The following PSD4 variants were observed in gnomAD, a reference collection of about 807,000 sequenced individuals.
The protein encoded by PSD4 is PH and SEC7 domain-containing protein 4.
In PSD4, 59 loss-of-function variants were observed where a neutral mutation model predicts 112.5. That is an observed-to-expected ratio of 0.52 (90% CI 0.43 to 0.65). PSD4 has a LOEUF of 0.65. PSD4 is among the 30% of genes least tolerant of loss of function. PSD4 has a pLI of 0.00. For missense variants in PSD4, 1,267 were observed against 1,352.6 expected (o/e 0.94, Z 0.99); for synonymous variants, 533 against 540.0 (o/e 0.99, Z 0.18).
intron 1 of PSD4, chr2:113,175,352 T>TCC (rs2104487624): frequency 6.6e-6 from 1 of 150,830 alleles, no homozygotes; most frequent in East Asian, 2.0e-4. Flanking sequence ...TCTCTCTCTC[T>TCC]CTCTCTCTCT....
chr2:113,185,801 G>A (rs948273932), intron 4 of PSD4, 76 bp from the exon 5 acceptor site: 38 of 1,555,796 alleles, frequency 2.4e-5, no homozygotes, highest in Non-Finnish European at 3.2e-5. Context: ...CCCAGGGAGG[G>A]AGCCTCTGGA....
chr2:113,198,999 C>T (rs1455772402), intron 15 of PSD4, 84 bp from the exon 16 acceptor site: 3 of 1,514,458 alleles, frequency 2.0e-6, no homozygotes, highest in Non-Finnish European at 2.6e-6. Context: ...GGAACCGAGG[C>T]GGCCAGGGGG....
At position 113,203,217 on chromosome 2, in the gene PSD4, C is replaced by G. The variant is rs1041072788; in HGVS notation, c.*1802C>G. The G allele has an allele frequency of 2.0e-5, 3 of 152,202 alleles. No individual in the cohort carries two copies. The highest frequency in any genetic ancestry group is 7.2e-5 in the African/African-American group (3 of 41,422). 9.4% of individuals were successfully genotyped at this position (152,202 alleles called of 1,614,324 possible). On this transcript the variant is annotated 3_prime_UTR_variant, in exon 17 of 17. Coordinates refer to ENST00000245796, the MANE Select transcript of PSD4 (RefSeq NM_012455.3). ...GATTCACAAATGAATTAAACATGTCCCTGACTCCATGAGTTGACAATCTTG... is the reference window on the plus strand; with the variant it reads ...GATTCACAAATGAATTAAACATGTCGCTGACTCCATGAGTTGACAATCTTG...
intron 10 of PSD4, among the ~76,000 whole-genome samples, chr2:113,194,918 C>G (rs1688552024): frequency 6.6e-6 from 1 of 152,180 alleles, no homozygotes; most frequent in South Asian, 2.1e-4. Context: ...ATGTGCCAGA[C>G]TTTTTGCTAG....
rs1333959090 is a variant in PSD4 at position 113,183,079 on chromosome 2, A to G, written c.623A>G (p.Asn208Ser). ...DTGLHSSPPE[N>S]EDSGEDSSEP... ...GGCCTGCACTCCAGCCCACCTGAGA[A>G]TGAAGACTCAGGGGAAGACAGCAGT... The change falls in exon 2 of 17, where the codon AAT (asparagine) becomes AGT (serine). Residue 208 changes from asparagine (N) to serine (S), a missense_variant. Around this residue, in one of 2 missense-constraint regions of PSD4, gnomAD observed 723 missense variants for 704.0 expected, o/e 1.03. Transcript: ENST00000245796. 6.2e-7 allele frequency: 1 copy of G among 1,613,052 alleles called. No homozygotes were observed. Among genetic ancestry groups the G allele is most frequent in the Non-Finnish European group, 8.5e-7 (1 of 1,179,286 alleles).
At chr2:113,185,749 C>G (rs188416937) in intron 4 of PSD4, 128 bp from the exon 5 acceptor site, 1 of 1,549,768 alleles carries the variant, frequency 6.5e-7, no homozygotes, top group East Asian at 2.4e-5. Context: ...GGTCACTGCC[C>G]GAGGGAGGAC....
Position 113,193,109 on chromosome 2 carries a change from A to C in PSD4, c.1900A>C (p.Ser634Arg), listed in dbSNP as rs1381174721. The change falls in exon 7 of 17, where the codon AGT becomes CGT. Residue 634 changes from serine (S) to arginine (R), a missense_variant. By Grantham distance (110) the Ser-to-Arg change is moderately radical. Transcript: ENST00000245796. ...YLSFFQFGGQ[S>R]LDRALRSFLQ... The stretch of plus-strand genomic sequence containing the variant: ...GTCCTTCTTCCAGTTTGGAGGCCAG[A>C]GTCTGGACCGAGCCCTCCGGTAATG... The C allele has an allele frequency of 2.5e-6, 4 of 1,613,996 alleles. No homozygotes were observed. In the Admixed American group the frequency reaches 5.0e-5, roughly 20 times the overall value.
Position 113,206,794 on chromosome 2 carries a change from G to A in PSD4, c.*5379G>A. The A allele has an allele frequency of 6.6e-6, 1 of 152,356 alleles. No individual in the cohort carries two copies. The allele number at this position is 152,356 out of a possible 1,614,324, so 9.4% of individuals were successfully genotyped here. Reference sequence around the variant, plus strand: ...TCCTTTGGGCTCTGGCTTAGGCTCTGCCCTCATGCATGCCATCCTGCTTGG... The same window carrying A: ...TCCTTTGGGCTCTGGCTTAGGCTCTACCCTCATGCATGCCATCCTGCTTGG... On this transcript the variant is annotated 3_prime_UTR_variant, in exon 17 of 17. Transcript: ENST00000245796.
In PSD4 at chr2:113,182,862, G is replaced by A. The variant is rs2104494757; in HGVS notation, c.406G>A (p.Val136Met). ...GAACACAGCATCACCAGGGTCACCA[G>A]TGAACAGCCATCTACCGGGGAGCCC... is the stretch of plus-strand genomic sequence containing the variant. ...RQNTASPGSP[V>M]NSHLPGSPKQ... The change falls in exon 2 of 17, where the codon GTG (valine) becomes ATG (methionine). Residue 136 changes from valine (V) to methionine (M), a missense_variant. By Grantham distance (21) the Val-to-Met change is conservative. This residue lies in a region of PSD4 where 723 missense variants were observed against 704.0 expected (regional missense o/e 1.03). Coordinates refer to ENST00000245796, the MANE Select transcript of PSD4 (RefSeq NM_012455.3). 5 of 1,614,132 alleles carry A rather than the reference G, an allele frequency of 3.1e-6. No individual in the cohort carries two copies. The highest frequency in any genetic ancestry group is 4.2e-6 in the Non-Finnish European group (5 of 1,179,980).
intron 2 of PSD4, among the ~76,000 whole-genome samples, chr2:113,183,722 A>G (rs1333212554): frequency 6.6e-6 from 1 of 152,090 alleles, no homozygotes; most frequent in Non-Finnish European, 1.5e-5. Context: ...CCATGATGTC[A>G]GCTGATGTCA....
chr2:113,181,479 T>C (rs1688136913), intron 1 of PSD4, among the ~76,000 whole-genome samples: 1 of 151,946 alleles, frequency 6.6e-6, no homozygotes, highest in African/African-American at 2.4e-5. Context: ...CCCTGCGAGG[T>C]TCCTGGGCTC....
intron 12 of PSD4, among the ~76,000 whole-genome samples, chr2:113,196,917 T>A (rs1389044793): frequency 6.6e-6 from 1 of 152,256 alleles, no homozygotes; most frequent in East Asian, 1.9e-4. Flanking sequence ...GGCACCAACA[T>A]GTCCAGAGTG....
intron 5 of PSD4, among the ~76,000 whole-genome samples, chr2:113,187,957 T>G (rs1189448870): frequency 6.6e-6 from 1 of 152,208 alleles, no homozygotes; most frequent in East Asian, 1.9e-4. Context: ...TCATAAGGTC[T>G]GTGAAAGTGA....
intron 14 of PSD4, 141 bp from the exon 15 acceptor site, chr2:113,198,599 C>A: frequency 9.6e-7 from 1 of 1,046,810 alleles, no homozygotes; most frequent in East Asian, 2.9e-5. Flanking sequence ...GTCGGGTGCC[C>A]GGCTAGTGGC....
At chr2:113,191,682 T>C (rs1365880966) in intron 5 of PSD4, among the ~76,000 whole-genome samples, 4 of 152,198 alleles carry the variant, frequency 2.6e-5, no homozygotes, top group East Asian at 3.9e-4. Context: ...TTGATTGTAA[T>C]GTTGTCGGGG....
At chr2:113,190,972 A>G (rs1688427515) in intron 5 of PSD4, among the ~76,000 whole-genome samples, 1 of 152,192 alleles carries the variant, frequency 6.6e-6, no homozygotes, top group African/African-American at 2.4e-5. Context: ...TTTTAGTTAG[A>G]TTTAGTTACT....
chr2:113,204,224 C>T lies in PSD4; in HGVS notation c.*2809C>T, dbSNP rs1237263669. The stretch of plus-strand genomic sequence containing the variant: ...ATCACCGAACCAGGACCTTCAACTT[C>T]GTAAAACCCACAGTGGCCTGGGCCA... On this transcript the variant is annotated 3_prime_UTR_variant, in exon 17 of 17. Coordinates refer to ENST00000245796, the MANE Select transcript of PSD4 (RefSeq NM_012455.3). 2.0e-5 allele frequency: 3 copies of T among 152,338 alleles called. No individual in the cohort carries two copies. The highest frequency in any genetic ancestry group is 4.4e-5 in the Non-Finnish European group (3 of 68,112). The allele number at this position is 152,338 out of a possible 1,614,324, so 9.4% of individuals were successfully genotyped here.
chr2:113,199,281 G>C lies in PSD4; in HGVS notation c.2913+55G>C, dbSNP rs1397926362. The stretch of plus-strand genomic sequence containing the variant: ...TGCGCAGCGCCCTCTCCGCCCTCTC[G>C]TGGCCGCCTCGGTCCCTGCAGCCGT... On this transcript the variant is annotated intron_variant, in intron 16 of 16. Coordinates refer to ENST00000245796, the MANE Select transcript of PSD4 (RefSeq NM_012455.3). 6 of 1,385,800 alleles carry C rather than the reference G, an allele frequency of 4.3e-6. No individual in the cohort carries two copies. The East Asian group carries it at 1.5e-4, about 36-fold the overall frequency. 85.8% of individuals were successfully genotyped at this position (1,385,800 alleles called of 1,614,324 possible). A position where few individuals can be genotyped will look rare whatever the true frequency, so the allele number is the denominator to read the frequency against.
rs759050359 is a variant in PSD4, at chr2:113,201,244, G to A, written c.3000G>A (p.Leu1000=). The change falls in exon 17 of 17, where the codon CTG becomes CTA. Residue 1000 remains leucine, a synonymous_variant. Transcript: ENST00000245796. The part of the protein sequence containing the change: ...SDALDLWEEQ[L]GREAGGTREP... ...CTCTGGACCTGTGGGAGGAGCAGCT[G>A]GGGAGGGAAGCTGGAGGCACTCGGG... 1.9e-6 allele frequency: 3 copies of A among 1,614,160 alleles called. No individual in the cohort carries two copies. The highest frequency in any genetic ancestry group is 4.5e-5 in the East Asian group (2 of 44,888).
Sources: gnomAD v4.1 joint callset for allele counts (sites outside exome capture counted in the v4.1 genomes callset) on GRCh38, gnomAD v4.1.1 for gene constraint, gnomAD v4.1.1 regional missense constraint, MANE v1.5 for transcripts, NCBI Gene and HGNC (gene_info 2026-07-23, HGNC 2026-07-21) for gene names.